The following TAFA2 variants were observed in gnomAD, a reference collection of about 807,000 sequenced individuals.
TAFA2 encodes the protein TAFA chemokine like family member 2, also known as chemokine-like protein TAFA-2.
A neutral mutation model predicts 18.8 loss-of-function variants in TAFA2; 7 were observed. The observed-to-expected ratio is 0.37, with a 90% CI of 0.21 to 0.70. The LOEUF (loss-of-function observed/expected upper bound fraction) is 0.70. Ranked by LOEUF, TAFA2 falls within the 30% of genes least tolerant of loss-of-function variation. TAFA2 has a pLI of 0.53. For synonymous variants in TAFA2, 60 were observed against 54.2 expected (o/e 1.11, Z -0.47); for missense variants, 122 against 158.1 (o/e 0.77, Z 1.23).
chr12:62,091,356 T>C (rs761150245), intron 1 of TAFA2, among the ~76,000 whole-genome samples: 9 of 152,010 alleles, frequency 5.9e-5, no homozygotes, highest in Non-Finnish European at 2.9e-5. Flanking sequence ...TAGATATGTA[T>C]CTACTGTATT....
At chr12:61,894,391 T>C (rs1875755097) in intron 1 of TAFA2, among the ~76,000 whole-genome samples, 2 of 152,200 alleles carry the variant, frequency 1.3e-5, no homozygotes. Context: ...GACCTTTGCA[T>C]GTGTTGCATT....
intron 1 of TAFA2, among the ~76,000 whole-genome samples, chr12:62,179,923 T>C (rs911724333): frequency 6.6e-6 from 1 of 152,216 alleles, no homozygotes; most frequent in Non-Finnish European, 1.5e-5. Context: ...TTCACTCCGG[T>C]CTGCCATACC....
In TAFA2 at chr12:62,101,561, C is replaced by T. The variant is rs116911530; in HGVS notation, c.-2+89698G>A. Among the ~76,000 whole-genome samples the T allele has an allele frequency of 1.1e-3, 174 of 152,324 alleles. 1 individual carries two copies. Among genetic ancestry groups the T allele is most frequent in the East Asian group, 6.6e-3 (34 of 5,184 alleles). On this transcript the variant is annotated intron_variant, in intron 1 of 4. Coordinates refer to ENST00000416284, the MANE Select transcript of TAFA2 (RefSeq NM_178539.5). ...AGAGTTCAAGCAGGTTCCAAGGCAG[C>T]TCTGCAGCTGATAAGCCACAGAACC...
intron 1 of TAFA2, among the ~76,000 whole-genome samples, chr12:62,045,148 T>C (rs1035917443): frequency 6.6e-6 from 1 of 152,180 alleles, no homozygotes; most frequent in Non-Finnish European, 1.5e-5. Flanking sequence ...GCCTAGGTCG[T>C]ACAGAAAAAT....
chr12:61,879,416 T>C, intron 1 of TAFA2: 1 of 703,184 alleles, frequency 1.4e-6, no homozygotes, highest in South Asian at 1.5e-5. Context: ...GGTGCCCCCA[T>C]CAGCTCCTCA....
intron 1 of TAFA2, among the ~76,000 whole-genome samples, chr12:62,114,665 C>T (rs886143546): frequency 3.3e-5 from 5 of 152,144 alleles, no homozygotes; most frequent in Non-Finnish European, 7.3e-5. Flanking sequence ...TACTGTGGAG[C>T]GTGTCCATAT....
At chr12:61,905,402 A>T (rs1056216868) in intron 1 of TAFA2, among the ~76,000 whole-genome samples, 2 of 152,168 alleles carry the variant, frequency 1.3e-5, no homozygotes, top group Non-Finnish European at 2.9e-5. Context: ...TAACATCAAG[A>T]TTCTAATTTA....
At chr12:62,026,986 C>T (rs936276016) in intron 1 of TAFA2, among the ~76,000 whole-genome samples, 2 of 151,974 alleles carry the variant, frequency 1.3e-5, no homozygotes, top group South Asian at 2.1e-4. Flanking sequence ...TTTTTCCCAG[C>T]GAATTCTCTT....
intron 2 of TAFA2, among the ~76,000 whole-genome samples, chr12:61,862,006 T>A (rs1439277629): frequency 2.6e-5 from 4 of 152,188 alleles, no homozygotes; most frequent in African/African-American, 7.2e-5. Flanking sequence ...CCTGTGTGTA[T>A]CTTTTTCAAA....
At chr12:62,042,894 T>C (rs1881802618) in intron 1 of TAFA2, among the ~76,000 whole-genome samples, 1 of 152,102 alleles carries the variant, frequency 6.6e-6, no homozygotes, top group Non-Finnish European at 1.5e-5. Context: ...TGCAAGACCG[T>C]CAGCACCCTG....
intron 1 of TAFA2, among the ~76,000 whole-genome samples, chr12:61,963,718 G>GA (rs1878969997): frequency 6.6e-6 from 1 of 151,872 alleles, no homozygotes; most frequent in South Asian, 2.1e-4. Context: ...CACATAATTA[G>GA]AAAAAACTAC....
intron 1 of TAFA2, among the ~76,000 whole-genome samples, chr12:62,078,823 AT>A (rs138144510): frequency 0.1 from 15,207 of 152,174 alleles, 961 homozygotes; most frequent in Non-Finnish European, 0.14. Context: ...AAGAGCCAAT[AT>A]TTATCTGAAC....
At chr12:61,964,867 A>C (rs1879014952) in intron 1 of TAFA2, among the ~76,000 whole-genome samples, 1 of 151,652 alleles carries the variant, frequency 6.6e-6, no homozygotes, top group African/African-American at 2.4e-5. Flanking sequence ...TATTCCTACT[A>C]TCCCCCAATA....
intron 2 of TAFA2, among the ~76,000 whole-genome samples, chr12:61,811,807 C>T (rs756257360): frequency 6.6e-6 from 1 of 151,222 alleles, no homozygotes; most frequent in Non-Finnish European, 1.5e-5. Context: ...GAACAGGAAA[C>T]GGATTAACAA....
intron 1 of TAFA2, among the ~76,000 whole-genome samples, chr12:61,942,416 G>C (rs201695836): frequency 4.0e-5 from 6 of 151,012 alleles, no homozygotes; most frequent in African/African-American, 1.5e-4. Flanking sequence ...CCAAAGGAAC[G>C]CAGTTCCTCA....
At chr12:62,075,705 T>C (rs1868246981) in intron 1 of TAFA2, among the ~76,000 whole-genome samples, 4 of 152,156 alleles carry the variant, frequency 2.6e-5, no homozygotes, top group African/African-American at 4.8e-5. Flanking sequence ...CGCACACATA[T>C]ATATTGTTTT....
chr12:62,030,271 T>A (rs993968813), intron 1 of TAFA2, among the ~76,000 whole-genome samples: 6 of 151,858 alleles, frequency 4.0e-5, no homozygotes, highest in African/African-American at 1.2e-4. Context: ...TTCACTGAGG[T>A]TGGAAGATAA....
chr12:61,899,653 G>C (rs989803092), intron 1 of TAFA2, among the ~76,000 whole-genome samples: 44 of 152,048 alleles, frequency 2.9e-4, no homozygotes, highest in Non-Finnish European at 4.9e-4. Flanking sequence ...TAGGGATTAT[G>C]GGAATTATAA....
intron 1 of TAFA2, among the ~76,000 whole-genome samples, chr12:62,025,843 G>C (rs1881293984): frequency 6.6e-6 from 1 of 151,892 alleles, no homozygotes; most frequent in African/African-American, 2.4e-5. Context: ...ATGCATACTA[G>C]AGTTTTTACC....
Sources: gnomAD v4.1 joint callset for allele counts (sites outside exome capture counted in the v4.1 genomes callset) on GRCh38, gnomAD v4.1.1 for gene constraint, MANE v1.5 for transcripts, NCBI Gene and HGNC (gene_info 2026-07-23, HGNC 2026-07-21) for gene names.